FBN1: variants seen among roughly 807,000 people sequenced by gnomAD.
FBN1 encodes the protein fibrillin 1, also known as fibrillin-1.
FBN1 carries 29 observed loss-of-function variants against 365.1 expected under a neutral mutation model. That is an observed-to-expected ratio of 0.08 (90% confidence interval 0.06 to 0.11). The LOEUF (loss-of-function observed/expected upper bound fraction) is 0.11, where lower values mean the gene tolerates loss of function less well. FBN1 is among the 10% of genes least tolerant of loss of function. The pLI, the probability that FBN1 is intolerant of heterozygous loss-of-function variation, is 1.00. For missense variants in FBN1, 2,476 were observed against 3,703.2 expected (o/e 0.67, Z 8.60); for synonymous variants, 1,210 against 1,270.5 (o/e 0.95, Z 1.01).
chr15:48,513,810 C>T, intron 12 of FBN1, 142 bp from the exon 13 acceptor site: 2 of 945,710 alleles, frequency 2.1e-6, no homozygotes, highest in South Asian at 1.5e-5. Context: ...TTTCTTTCCA[C>T]TACAATATGT....
At chr15:48,506,789 A>G (rs1040622256) in intron 15 of FBN1, among the ~76,000 whole-genome samples, 1 of 152,200 alleles carries the variant, frequency 6.6e-6, no homozygotes, top group Non-Finnish European at 1.5e-5. Flanking sequence ...CAAAAATTAT[A>G]AAAAGGAAGA....
chr15:48,553,152 G>A (rs896411583), intron 6 of FBN1, among the ~76,000 whole-genome samples: 1 of 152,096 alleles, frequency 6.6e-6, no homozygotes, highest in African/African-American at 2.4e-5. Flanking sequence ...TCTGTTAGAT[G>A]ACCCTCTTTC....
intron 6 of FBN1, among the ~76,000 whole-genome samples, chr15:48,538,045 T>C (rs1291893790): frequency 2.0e-5 from 3 of 152,216 alleles, no homozygotes; most frequent in African/African-American, 7.2e-5. Flanking sequence ...GAAAACGGCA[T>C]TGTGAGGATC....
chr15:48,426,257 G>A (rs192882603), intron 58 of FBN1, among the ~76,000 whole-genome samples: 50 of 152,258 alleles, frequency 3.3e-4, no homozygotes, highest in Non-Finnish European at 4.4e-5. Flanking sequence ...TCCTTTTGAT[G>A]AGGAAACCCC....
Position 48,544,596 on chromosome 15 carries a change from C to T in FBN1, c.539-6788G>A, listed in dbSNP as rs545514711. 2.0e-5 allele frequency among the ~76,000 whole-genome samples: 3 copies of T among 152,252 alleles called. No individual in the cohort carries two copies. In the East Asian group the frequency reaches 5.8e-4, roughly 29 times the overall value. On this transcript the variant is annotated intron_variant, in intron 6 of 65. Transcript: ENST00000316623. ...GTTGTACACCTTTTAATCTAACATG[C>T]AGACTAAGCAATTCACCAAAATCCA...
At chr15:48,458,222 G>A (rs933677024) in intron 43 of FBN1, among the ~76,000 whole-genome samples, 1 of 152,202 alleles carries the variant, frequency 6.6e-6, no homozygotes, top group African/African-American at 2.4e-5. Flanking sequence ...ATCACGGACT[G>A]AAGTGGAGCC....
At chr15:48,450,875 T>G (rs76351290) in intron 45 of FBN1, among the ~76,000 whole-genome samples, 1 of 150,242 alleles carries the variant, frequency 6.7e-6, no homozygotes, top group Admixed American at 6.7e-5. Context: ...AAAAAAAAAA[T>G]GCCAAGTATA....
chr15:48,424,930 C>G (rs2141225734), intron 60 of FBN1, among the ~76,000 whole-genome samples: 1 of 152,328 alleles, frequency 6.6e-6, no homozygotes, highest in East Asian at 1.9e-4. Context: ...AATCTGGACA[C>G]AGCATCTAAT....
At chr15:48,506,651 G>A (rs1334668030) in intron 15 of FBN1, among the ~76,000 whole-genome samples, 1 of 152,222 alleles carries the variant, frequency 6.6e-6, no homozygotes, top group Non-Finnish European at 1.5e-5. Context: ...AAGCCATGTT[G>A]TTGATCAGAT....
At chr15:48,581,545 T>C (rs2044392182) in intron 6 of FBN1, among the ~76,000 whole-genome samples, 1 of 152,200 alleles carries the variant, frequency 6.6e-6, no homozygotes, top group Non-Finnish European at 1.5e-5. Context: ...CCAAGTGTTT[T>C]CACCACATAA....
At chr15:48,412,926 C>T (rs1337818819) in intron 64 of FBN1, among the ~76,000 whole-genome samples, 183 bp from the exon 65 acceptor site, 1 of 152,204 alleles carries the variant, frequency 6.6e-6, no homozygotes, top group East Asian at 1.9e-4. Context: ...ATTCCCAGTT[C>T]CCTGAATGTA....
In FBN1 at chr15:48,474,249, A is replaced by G. The variant is rs1273440858; in HGVS notation, c.4210+6T>C. 2 of 1,613,982 alleles carry G rather than the reference A, an allele frequency of 1.2e-6. No individual in the cohort carries two copies. Among genetic ancestry groups the G allele is most frequent in the African/African-American group, 2.7e-5 (2 of 74,926 alleles). ...GTTGACACAGTTGTTTCCAGCGTGA[A>G]CATACCTGTACAAGTGAAGCCATCA... On this transcript the variant is annotated splice_donor_region_variant and intron_variant, in intron 34 of 65. Coordinates refer to ENST00000316623, the MANE Select transcript of FBN1 (RefSeq NM_000138.5).
At position 48,468,032 on chromosome 15, in the gene FBN1, A is replaced by T; in HGVS notation, c.4653T>A (p.Asn1551Lys). 6.2e-7 allele frequency: 1 copy of T among 1,614,210 alleles called. No homozygotes were observed. The highest frequency in any genetic ancestry group is 8.5e-7 in the Non-Finnish European group (1 of 1,180,028). ...CTTTGGAAACACCAACTCCAATTTC[A>T]TTGCTGCAGGCTGTATCTCCATTGT... ...RGDNGDTACS[N>K]EIGVGVSKAS... Residue 1551 changes from asparagine (N) to lysine (K), a missense_variant, in exon 38 of 66, where the codon AAT becomes AAA. Asn to Lys is a moderately conservative substitution (Grantham distance 94). Transcript: ENST00000316623.
intron 45 of FBN1, among the ~76,000 whole-genome samples, chr15:48,450,865 A>G (rs1039969890): frequency 1.2e-4 from 15 of 127,884 alleles, no homozygotes; most frequent in Admixed American, 2.5e-4. Flanking sequence ...AGCATGCCTG[A>G]AAAAAAAAAT....
chr15:48,478,328 G>A (rs972353209), intron 32 of FBN1, among the ~76,000 whole-genome samples: 3 of 152,158 alleles, frequency 2.0e-5, no homozygotes, highest in Non-Finnish European at 2.9e-5. Context: ...ACTGTTGGTG[G>A]TTGAAATATA....
chr15:48,500,893 T>C (rs1190800052), intron 17 of FBN1, among the ~76,000 whole-genome samples: 4 of 152,200 alleles, frequency 2.6e-5, no homozygotes, highest in East Asian at 1.9e-4. Flanking sequence ...AGATTTTGTA[T>C]ATTTGGAGTC....
intron 34 of FBN1, among the ~76,000 whole-genome samples, chr15:48,473,872 T>C (rs2043397533): frequency 6.6e-6 from 1 of 152,142 alleles, no homozygotes; most frequent in Non-Finnish European, 1.5e-5. Flanking sequence ...TTTAAACTAA[T>C]GACATCATTA....
At chr15:48,503,980 A>G in intron 16 of FBN1, 41 bp from the exon 17 acceptor site, 1 of 1,611,854 alleles carries the variant, frequency 6.2e-7, no homozygotes, top group South Asian at 1.1e-5. Flanking sequence ...TGTCACTTCA[A>G]ACAGATGAGA....
At chr15:48,421,397 G>A (rs548409615) in intron 62 of FBN1, among the ~76,000 whole-genome samples, 161 bp downstream of exon 62, 8 of 152,284 alleles carry the variant, frequency 5.3e-5, no homozygotes, top group South Asian at 4.1e-4. Flanking sequence ...AACAAAACAC[G>A]ACTCTCTAAG....
Sources: allele counts gnomAD v4.1 joint callset (sites outside exome capture counted in the v4.1 genomes callset), GRCh38; gene constraint gnomAD v4.1.1; transcripts MANE v1.5; gene names NCBI Gene and HGNC (gene_info 2026-07-23, HGNC 2026-07-21).